NF1: variants seen among roughly 807,000 people sequenced by gnomAD.
NF1 encodes the protein neurofibromin 1.
In NF1, 122 loss-of-function variants were observed where a neutral mutation model predicts 325.7. The observed-to-expected ratio is 0.37, with a 90% CI of 0.32 to 0.44. The LOEUF (loss-of-function observed/expected upper bound fraction) is 0.44. NF1 is among the 20% of genes least tolerant of loss of function. The pLI is 1.00. For missense variants in NF1, 2,140 were observed against 3,415.4 expected (o/e 0.63, Z 9.31); for synonymous variants, 1,091 against 1,186.0 (o/e 0.92, Z 1.65).
chr17:31,118,542 T>G (rs1914154432), intron 1 of NF1, among the ~76,000 whole-genome samples: 2 of 152,060 alleles, frequency 1.3e-5, no homozygotes, highest in South Asian at 4.1e-4. Context: ...CATGCAGTGT[T>G]TGATTTTCTG....
At chr17:31,099,841 G>A (rs1180752838) in intron 1 of NF1, among the ~76,000 whole-genome samples, 4 of 151,980 alleles carry the variant, frequency 2.6e-5, no homozygotes, top group Non-Finnish European at 5.9e-5. Flanking sequence ...GATTACAGGC[G>A]TGAGCCACCA....
At chr17:31,116,038 A>T (rs1163207915) in intron 1 of NF1, among the ~76,000 whole-genome samples, 1 of 152,216 alleles carries the variant, frequency 6.6e-6, no homozygotes, top group Non-Finnish European at 1.5e-5. Flanking sequence ...CAGCTATATC[A>T]TCTATCTAAA....
intron 4 of NF1, among the ~76,000 whole-genome samples, chr17:31,164,864 A>G (rs951174413): frequency 6.6e-6 from 1 of 152,242 alleles, no homozygotes; most frequent in Non-Finnish European, 1.5e-5. Context: ...TTTACATGAT[A>G]GAAAAATGTT....
At chr17:31,345,369 G>A (rs2069945014) in intron 48 of NF1, 1 of 1,157,474 alleles carries the variant, frequency 8.6e-7, no homozygotes, top group Non-Finnish European at 1.2e-6. Context: ...TGTCTTAAAA[G>A]TCTCTCCTTC....
intron 57 of NF1, among the ~76,000 whole-genome samples, chr17:31,373,499 A>C (rs981937811): frequency 6.6e-6 from 1 of 152,248 alleles, no homozygotes; most frequent in Admixed American, 6.5e-5. Context: ...TATGATAGCA[A>C]ACTTTGCATA....
At chr17:31,333,487 A>AC (rs1363043308) in intron 39 of NF1, among the ~76,000 whole-genome samples, 1 of 152,116 alleles carries the variant, frequency 6.6e-6, no homozygotes, top group Non-Finnish European at 1.5e-5. Context: ...TATTCTCAGT[A>AC]CCCTCCCTTC....
At chr17:31,182,966 T>C (rs1474951052) in intron 8 of NF1, 2 of 585,918 alleles carry the variant, frequency 3.4e-6, no homozygotes, top group Non-Finnish European at 3.0e-6. Flanking sequence ...TTCTCTAATA[T>C]TCACTACAAG....
intron 11 of NF1, 108 bp from the exon 12 acceptor site, chr17:31,206,132 A>T: frequency 7.8e-7 from 1 of 1,290,302 alleles, no homozygotes; most frequent in Non-Finnish European, 1.1e-6. Context: ...GCATGGTCTT[A>T]GAAAGTTCCC....
At chr17:31,155,630 G>A (rs1311151807) in intron 1 of NF1, among the ~76,000 whole-genome samples, 1 of 152,186 alleles carries the variant, frequency 6.6e-6, no homozygotes, top group Non-Finnish European at 1.5e-5. Flanking sequence ...CAAGCAAATA[G>A]CTCTGTTTCT....
At chr17:31,205,427 T>G (rs1277834066) in intron 11 of NF1, among the ~76,000 whole-genome samples, 1 of 152,186 alleles carries the variant, frequency 6.6e-6, no homozygotes, top group Non-Finnish European at 1.5e-5. Flanking sequence ...CCAGTCAGTT[T>G]TTTATTAAAT....
chr17:31,121,657 C>A (rs2143390964), intron 1 of NF1, among the ~76,000 whole-genome samples: 1 of 152,024 alleles, frequency 6.6e-6, no homozygotes, highest in Non-Finnish European at 1.5e-5. Context: ...TTATCAAAGG[C>A]CTTTTCTTCA....
At chr17:31,362,810 A>G (rs1332837114) in intron 57 of NF1, among the ~76,000 whole-genome samples, 1 of 152,134 alleles carries the variant, frequency 6.6e-6, no homozygotes, top group East Asian at 1.9e-4. Flanking sequence ...ATCTTTGCCC[A>G]CTAATGGAGA....
intron 8 of NF1, among the ~76,000 whole-genome samples, chr17:31,196,736 A>T (rs1567833334): frequency 6.6e-6 from 1 of 152,182 alleles, no homozygotes; most frequent in South Asian, 2.1e-4. Context: ...AAAAGGGTCC[A>T]TCTTCATTCT....
intron 5 of NF1, among the ~76,000 whole-genome samples, chr17:31,179,319 A>C (rs1395354791): frequency 6.6e-6 from 1 of 152,330 alleles, no homozygotes; most frequent in Non-Finnish European, 1.5e-5. Context: ...ACCAATGAGA[A>C]AAATACACAA....
At position 31,340,636 on chromosome 17, in the gene NF1, C is replaced by T. The variant is rs2069794864; in HGVS notation, c.7053C>T (p.Phe2351=). The change falls in exon 47 of 58, where the codon TTC becomes TTT. Residue 2351 remains phenylalanine (F), a synonymous_variant. Coordinates refer to ENST00000358273, the MANE Select transcript of NF1 (RefSeq NM_001042492.3). ...NLHTLDSLRI[F]NDKSPEEVFM... ...ATACTTTAGATAGTCTCCGTATATT[C>T]AATGACAAGGTAAGCAAACTTTGCC... The T allele has an allele frequency of 1.2e-6, 2 of 1,614,064 alleles. No homozygotes were observed. The highest frequency in any genetic ancestry group is 1.7e-6 in the Non-Finnish European group (2 of 1,179,976).
At chr17:31,103,825 A>AT (rs887021013) in intron 1 of NF1, among the ~76,000 whole-genome samples, 2 of 152,090 alleles carry the variant, frequency 1.3e-5, no homozygotes, top group Non-Finnish European at 2.9e-5. Context: ...AAAAAAACAA[A>AT]TAAAAAAAAA....
In NF1 at chr17:31,233,158, A is replaced by G. The variant is rs876659541; in HGVS notation, c.3653A>G (p.Gln1218Arg). Residue 1218 changes from glutamine to arginine, a missense_variant, in exon 27 of 58, where the codon CAA becomes CGA. Around this residue, in one of 10 missense-constraint regions of NF1, gnomAD observed 336 missense variants for 399.0 expected, o/e 0.84. Coordinates refer to ENST00000358273, the MANE Select transcript of NF1 (RefSeq NM_001042492.3). ...LVELVTMMGD[Q>R]GELPIAMALA... ...GAACTGGTCACAATGATGGGTGATC[A>G]AGGAGAACTCCCTATAGCGATGGCT... 6.2e-7 allele frequency: 1 copy of G among 1,614,194 alleles called. No homozygotes were observed. Among genetic ancestry groups the G allele is most frequent in the Non-Finnish European group, 8.5e-7 (1 of 1,180,024 alleles).
chr17:31,358,313 A>G, intron 54 of NF1, 167 bp from the exon 55 acceptor site: 2 of 678,606 alleles, frequency 2.9e-6, no homozygotes, highest in Non-Finnish European at 5.0e-6. Context: ...ACACATGTTC[A>G]TTGTAGAAAA....
chr17:31,296,940 TC>T (rs1268609942), intron 36 of NF1: 4 of 153,236 alleles, frequency 2.6e-5, no homozygotes, highest in African/African-American at 9.7e-5. Context: ...GTGATTTTTT[TC>T]TGTATATTTC....
Sources: allele counts gnomAD v4.1 joint callset (sites outside exome capture counted in the v4.1 genomes callset), GRCh38; gene constraint gnomAD v4.1.1; regional missense constraint gnomAD v4.1.1; transcripts MANE v1.5; gene names NCBI Gene and HGNC (gene_info 2026-07-23, HGNC 2026-07-21).